VPS13B: variants seen among roughly 807,000 people sequenced by gnomAD.
VPS13B encodes the protein vacuolar protein sorting 13 homolog B, also known as intermembrane lipid transfer protein VPS13B.
In VPS13B, 285 loss-of-function variants were observed where a neutral mutation model predicts 426.4. The ratio of observed to expected loss-of-function variants is 0.67; its 90% CI spans 0.61 to 0.74. The LOEUF (loss-of-function observed/expected upper bound fraction) is 0.74. Among genes scored for constraint, VPS13B ranks in the 30% least tolerant of loss-of-function variants. The pLI, the probability that VPS13B is intolerant of heterozygous loss-of-function variation, is 0.00. For synonymous variants in VPS13B, 1,676 were observed against 1,676.4 expected, an observed-to-expected ratio of 1.00 and a Z score of 0.01; for missense variants, 4,537 against 4,782.6, an observed-to-expected ratio of 0.95 and a Z score of 1.51.
intron 6 of VPS13B, among the ~76,000 whole-genome samples, chr8:99,112,188 G>C (rs1288068230): frequency 6.6e-6 from 1 of 152,026 alleles, no homozygotes; most frequent in African/African-American, 2.4e-5. Flanking sequence ...ATTGTATCTT[G>C]GAAAAAGAAT....
At chr8:99,589,360 C>G (rs758476316) in intron 33 of VPS13B, among the ~76,000 whole-genome samples, 2 of 151,704 alleles carry the variant, frequency 1.3e-5, no homozygotes, top group South Asian at 4.2e-4. Flanking sequence ...CCCCGCTCCC[C>G]CAACCCCACA....
At chr8:99,551,935 A>G (rs1824303378) in intron 30 of VPS13B, among the ~76,000 whole-genome samples, 1 of 152,068 alleles carries the variant, frequency 6.6e-6, no homozygotes, top group South Asian at 2.1e-4. Flanking sequence ...TGGAATAATT[A>G]TAAGACATTA....
At chr8:99,767,765 TA>T (rs1241740095) in intron 40 of VPS13B, among the ~76,000 whole-genome samples, 1 of 151,882 alleles carries the variant, frequency 6.6e-6, no homozygotes, top group Non-Finnish European at 1.5e-5. Flanking sequence ...CCCATCTCTA[TA>T]AAAAATACAA....
Position 99,481,666 on chromosome 8 carries a change from A to G in VPS13B, c.3734A>G (p.Asn1245Ser), listed in dbSNP as rs949766937. 3 of 1,613,978 alleles carry G rather than the reference A, an allele frequency of 1.9e-6. No individual in the cohort carries two copies. Among genetic ancestry groups the G allele is most frequent in the Non-Finnish European group, 2.5e-6 (3 of 1,179,900 alleles). ...TGGAACAAGATTCAGAAGAGAGGCA[A>G]TCTCAACCTATCTCCAACCTCTCCA... ...KVWNKIQKRG[N>S]LNLSPTSPET... The change falls in exon 25 of 62, where the codon AAT becomes AGT. Residue 1245 changes from asparagine (N) to serine (S), a missense_variant. By Grantham distance (46) the Asn-to-Ser change is conservative. Coordinates refer to ENST00000357162, the MANE Select transcript of VPS13B (RefSeq NM_152564.5).
intron 20 of VPS13B, chr8:99,389,620 A>G (rs570762424): frequency 1.3e-5 from 2 of 152,222 alleles, no homozygotes; most frequent in African/African-American, 2.4e-5. Flanking sequence ...ACGAAAGTAG[A>G]TCATTCTTGA....
rs986117755 is a variant in VPS13B, at chr8:99,167,302, A to G, written c.2209-2737A>G. On this transcript the variant is annotated intron_variant, in intron 15 of 61. Transcript: ENST00000357162. ...CAGTTTTTATGTGTTTCAGTGTATT[A>G]TTGCATACATACCAACTTTTAAAAT... 3.3e-5 allele frequency among the ~76,000 whole-genome samples: 5 copies of G among 152,018 alleles called. No homozygotes were observed. The East Asian group carries it at 9.6e-4, about 29-fold the overall frequency.
rs1400245472 is a variant in VPS13B at position 99,861,902 on chromosome 8, A to C, written c.11171A>C (p.Glu3724Ala). The change falls in exon 58 of 62, where the codon GAG becomes GCG. Residue 3724 changes from glutamate (E) to alanine (A), a missense_variant. Transcript: ENST00000357162. ...CGGCAGCTCCCCGAGAGCCTGGGCG[A>C]GGGGCTTCGACAGGGCCTGTCCCGG... ...WRRQLPESLG[E>A]GLRQGLSRLG... The C allele has an allele frequency of 1.9e-6, 3 of 1,596,730 alleles. No homozygotes were observed. In the South Asian group the frequency reaches 3.4e-5, roughly 18 times the overall value.
chr8:99,151,501 T>C (rs1811077595), intron 14 of VPS13B, among the ~76,000 whole-genome samples: 1 of 152,136 alleles, frequency 6.6e-6, no homozygotes, highest in Admixed American at 6.6e-5. Context: ...ATCTAGGTTA[T>C]CAAATTTGTA....
At chr8:99,224,895 C>T (rs1484954443) in intron 17 of VPS13B, among the ~76,000 whole-genome samples, 5 of 152,108 alleles carry the variant, frequency 3.3e-5, no homozygotes. Flanking sequence ...TTCAAAGTTC[C>T]TCCCAAGGTC....
chr8:99,069,716 G>A (rs1188665112), intron 3 of VPS13B, among the ~76,000 whole-genome samples: 2 of 152,106 alleles, frequency 1.3e-5, no homozygotes, highest in East Asian at 1.9e-4. Flanking sequence ...TATTCAGAAT[G>A]GCCTAAGAGA....
intron 19 of VPS13B, among the ~76,000 whole-genome samples, chr8:99,360,465 G>A (rs1216378430): frequency 6.6e-6 from 1 of 151,336 alleles, no homozygotes; most frequent in Non-Finnish European, 1.5e-5. Flanking sequence ...TTTTAGTAGA[G>A]ACGGGGTTTC....
chr8:99,316,575 T>C (rs1809671835), intron 19 of VPS13B, among the ~76,000 whole-genome samples: 2 of 152,164 alleles, frequency 1.3e-5, no homozygotes, highest in African/African-American at 4.8e-5. Context: ...GGGGGAAATG[T>C]GGACTGCTGG....
At chr8:99,411,211 T>C (rs576197207) in intron 21 of VPS13B, among the ~76,000 whole-genome samples, 1 of 152,304 alleles carries the variant, frequency 6.6e-6, no homozygotes, top group Non-Finnish European at 1.5e-5. Flanking sequence ...CTCTGCATCC[T>C]CTCCAGCATC....
intron 3 of VPS13B, among the ~76,000 whole-genome samples, chr8:99,089,548 G>C (rs1846031951): frequency 6.6e-6 from 1 of 152,164 alleles, no homozygotes; most frequent in Non-Finnish European, 1.5e-5. Context: ...GGGCTTCCAA[G>C]TAATAGGTGG....
At chr8:99,606,272 T>C (rs1465709838) in intron 33 of VPS13B, among the ~76,000 whole-genome samples, 1 of 152,108 alleles carries the variant, frequency 6.6e-6, no homozygotes, top group Non-Finnish European at 1.5e-5. Flanking sequence ...ATTACTATTA[T>C]ATTCGTGTTC....
intron 19 of VPS13B, among the ~76,000 whole-genome samples, chr8:99,283,985 A>T (rs1819294946): frequency 6.6e-6 from 1 of 152,190 alleles, no homozygotes; most frequent in African/African-American, 2.4e-5. Context: ...AAACACATAC[A>T]CACACAAGAC....
chr8:99,840,146 C>T (rs2130878925), intron 54 of VPS13B, among the ~76,000 whole-genome samples: 3 of 152,330 alleles, frequency 2.0e-5, no homozygotes, highest in Middle Eastern at 6.8e-3. Context: ...ACACAGTATT[C>T]CAAATGTGGT....
intron 17 of VPS13B, among the ~76,000 whole-genome samples, chr8:99,201,697 T>C (rs35755686): frequency 0.067 from 10,157 of 152,176 alleles, 459 homozygotes; most frequent in African/African-American, 0.12. Flanking sequence ...AAGAAAATGT[T>C]ATATGCTAGT....
At position 99,651,213 on chromosome 8, in the gene VPS13B, A is replaced by G. The variant is rs74307048; in HGVS notation, c.5908+8715A>G. Among the ~76,000 whole-genome samples the G allele has an allele frequency of 1.4e-3, 209 of 152,302 alleles. 2 individuals are homozygous for G. The highest frequency in any genetic ancestry group is 0.011 in the East Asian group (55 of 5,190). Reference sequence around the variant, plus strand: ...CTATACCTACATCTAAATCTGTTTTACAAAGCTAAAGCAAAATTAAAAGTA... The same window carrying G: ...CTATACCTACATCTAAATCTGTTTTGCAAAGCTAAAGCAAAATTAAAAGTA... On this transcript the variant is annotated intron_variant, in intron 34 of 61. Coordinates refer to ENST00000357162, the MANE Select transcript of VPS13B (RefSeq NM_152564.5).
Sources: allele counts gnomAD v4.1 joint callset (sites outside exome capture counted in the v4.1 genomes callset), GRCh38; gene constraint gnomAD v4.1.1; transcripts MANE v1.5; gene names NCBI Gene and HGNC (gene_info 2026-07-23, HGNC 2026-07-21).